The following ECE1 variants were observed in gnomAD, a reference collection of about 807,000 sequenced individuals.
ECE1 encodes the protein endothelin converting enzyme 1, also known as endothelin-converting enzyme 1.
Under a neutral mutation model 98.6 loss-of-function variants are expected in ECE1, and 35 were observed. That is an observed-to-expected ratio of 0.35 (90% CI 0.27 to 0.47). ECE1 has a LOEUF of 0.47. Among genes scored for constraint, ECE1 ranks in the 20% least tolerant of loss-of-function variants. The pLI, the probability that ECE1 is intolerant of heterozygous loss-of-function variation, is 1.00. For missense variants in ECE1, 814 were observed against 1,025.3 expected, an observed-to-expected ratio of 0.79 and a Z score of 2.81; for synonymous variants, 394 against 407.1, an observed-to-expected ratio of 0.97 and a Z score of 0.39.
intron 8 of ECE1, among the ~76,000 whole-genome samples, chr1:21,247,917 C>T (rs1223134845): frequency 4.6e-5 from 7 of 152,190 alleles, no homozygotes; most frequent in Admixed American, 2.0e-4. Context: ...TAACAGAACC[C>T]ACTTCACTGG....
At chr1:21,282,859 C>A (rs998008262) in intron 2 of ECE1, among the ~76,000 whole-genome samples, 3 of 150,854 alleles carry the variant, frequency 2.0e-5, no homozygotes, top group Non-Finnish European at 4.4e-5. Flanking sequence ...ACAATGGCAG[C>A]AAATAAATAC....
Position 21,219,913 on chromosome 1 carries a change from A to T in ECE1, c.*42T>A. 6.2e-7 allele frequency: 1 copy of T among 1,611,956 alleles called. No individual in the cohort carries two copies. The stretch of plus-strand genomic sequence containing the variant: ...GAGGCTGGATGGGGGTCTCGTCCTC[A>T]GCCCCTTCCCCTCCTCCGTCTTGGC... On this transcript the variant is annotated 3_prime_UTR_variant, in exon 19 of 19. Coordinates refer to ENST00000374893, the MANE Select transcript of ECE1 (RefSeq NM_001397.3). This position sits in a 1 kb window ranked among gnomAD's most constrained non-coding sequence, Gnocchi z 4.5.
At chr1:21,226,975 T>C (rs775539330) in intron 16 of ECE1, among the ~76,000 whole-genome samples, 184 bp downstream of exon 16, 1 of 152,094 alleles carries the variant, frequency 6.6e-6, no homozygotes, top group Non-Finnish European at 1.5e-5. Context: ...CCACCAGCCT[T>C]GGCCTCTCAC....
chr1:21,326,870 C>A (rs890293514), intron 1 of ECE1, among the ~76,000 whole-genome samples: 2 of 152,132 alleles, frequency 1.3e-5, no homozygotes, highest in African/African-American at 2.4e-5. Flanking sequence ...TTGGCCCCTG[C>A]GTCTCCTTTC....
upstream of ECE1, chr1:21,294,331 A>G (rs1016180591): frequency 6.6e-6 from 1 of 152,234 alleles, no homozygotes; most frequent in Non-Finnish European, 1.5e-5. The surrounding 1 kb of genome is among the most constrained non-coding windows in gnomAD (Gnocchi z 4.2). Flanking sequence ...CCTGGCCCCG[A>G]GTGTGTTGGG....
rs2098172538 is a variant in ECE1, at chr1:21,225,285, T to C, written c.2005A>G (p.Ile669Val). Reference sequence around the variant, plus strand: ...GCCTTGAGACCCCCGTTGTCGGCGATGTTCTCCCCCAGGGTGTGCCGCCCG... The same window carrying C: ...GCCTTGAGACCCCCGTTGTCGGCGACGTTCTCCCCCAGGGTGTGCCGCCCG... Reference protein sequence around the residue: ...VNGRHTLGENIADNGGLKAAY... With the variant: ...VNGRHTLGENVADNGGLKAAY... The change falls in exon 17 of 19, where the codon ATC becomes GTC. Residue 669 changes from isoleucine (I) to valine (V), a missense_variant. Transcript: ENST00000374893. The surrounding 1 kb of genome is among the most constrained non-coding windows in gnomAD (Gnocchi z 5.3). 6.2e-7 allele frequency: 1 copy of C among 1,614,204 alleles called. No homozygotes were observed. Among genetic ancestry groups the C allele is most frequent in the Non-Finnish European group, 8.5e-7 (1 of 1,180,026 alleles).
chr1:21,224,397 T>C (rs1036878005), intron 17 of ECE1, among the ~76,000 whole-genome samples: 1 of 152,224 alleles, frequency 6.6e-6, no homozygotes, highest in African/African-American at 2.4e-5. Flanking sequence ...GAGAGCAGGA[T>C]GAGCTTCAAA....
At chr1:21,321,491 C>A (rs1638962488) in intron 1 of ECE1, among the ~76,000 whole-genome samples, 1 of 152,174 alleles carries the variant, frequency 6.6e-6, no homozygotes, top group South Asian at 2.1e-4. Context: ...TGCAGTGGCC[C>A]ATGGGTGCCT....
rs113340102 is a variant in ECE1 at position 21,219,784 on chromosome 1, C to G, written c.*171G>C. On this transcript the variant is annotated 3_prime_UTR_variant, in exon 19 of 19. Transcript: ENST00000374893. The surrounding 1 kb of genome is among the most constrained non-coding windows in gnomAD (Gnocchi z 4.5). ...CGGCTCTTCACAGGGGATCAGACTG[C>G]GGGTCACGTTGAGAGCCAACACCAT... 1 of 779,394 alleles carries G rather than the reference C, an allele frequency of 1.3e-6. No homozygotes were observed. The highest frequency in any genetic ancestry group is 1.6e-5 in the South Asian group (1 of 60,988). 48.3% of individuals were successfully genotyped at this position (779,394 alleles called of 1,614,324 possible).
intron 1 of ECE1, among the ~76,000 whole-genome samples, chr1:21,309,003 G>A (rs1638658223): frequency 6.6e-6 from 1 of 152,186 alleles, no homozygotes; most frequent in African/African-American, 2.4e-5. Context: ...GAAACAGCAG[G>A]GCACCTAGCA....
intron 1 of ECE1, among the ~76,000 whole-genome samples, chr1:21,308,580 A>G (rs1638647538): frequency 6.6e-6 from 1 of 152,166 alleles, no homozygotes; most frequent in Admixed American, 6.5e-5. Flanking sequence ...GAGGCTGTCC[A>G]GGGCCCTGGA....
At chr1:21,298,990 G>A in intron 1 of ECE1, 3 of 432,892 alleles carry the variant, frequency 6.9e-6, no homozygotes, top group Admixed American at 2.4e-5. Flanking sequence ...GTGCTCCTGT[G>A]TGATGTCCTG....
Position 21,256,721 on chromosome 1 carries a change from G to A in ECE1, c.829-583C>T, listed in dbSNP as rs527889716. 15 of 153,660 alleles carry A rather than the reference G, an allele frequency of 9.8e-5. No individual in the cohort carries two copies. In the South Asian group the frequency reaches 3.1e-3, roughly 31 times the overall value. 9.5% of individuals were successfully genotyped at this position (153,660 alleles called of 1,614,324 possible). ...GTCCCTGTCTTCCAGGGCTTGTCCT[G>A]GGGCTGTCTTTCCATTCTTAGAATG... is the stretch of plus-strand genomic sequence containing the variant. On this transcript the variant is annotated intron_variant, in intron 7 of 18. Coordinates refer to ENST00000374893, the MANE Select transcript of ECE1 (RefSeq NM_001397.3).
At chr1:21,299,482 A>C (rs1355192202) in intron 1 of ECE1, 3 of 152,870 alleles carry the variant, frequency 2.0e-5, no homozygotes, top group Non-Finnish European at 4.4e-5. Context: ...CTTGGACAGC[A>C]GAAGGAACAG....
intron 4 of ECE1, among the ~76,000 whole-genome samples, chr1:21,271,322 T>C (rs1452688828): frequency 1.3e-5 from 2 of 152,236 alleles, no homozygotes; most frequent in Admixed American, 6.5e-5. Flanking sequence ...ACTTTCCCTG[T>C]AATCTAAAAG....
intron 1 of ECE1, chr1:21,298,522 C>A (rs369861472): frequency 1.5e-5 from 5 of 339,798 alleles, no homozygotes; most frequent in Non-Finnish European, 2.9e-5. Flanking sequence ...GATCCTTACA[C>A]GTCTTAAAAA....
In ECE1 at chr1:21,233,720, G is replaced by A; in HGVS notation, c.1567-59C>T. 5.3e-6 allele frequency: 8 copies of A among 1,514,324 alleles called. No individual in the cohort carries two copies. The highest frequency in any genetic ancestry group is 6.4e-6 in the Non-Finnish European group (7 of 1,092,888). 93.8% of individuals were successfully genotyped at this position (1,514,324 alleles called of 1,614,324 possible). A position where few individuals can be genotyped will look rare whatever the true frequency, so the allele number is the denominator to read the frequency against. The stretch of plus-strand genomic sequence containing the variant: ...GCCCTCGGTGGTGTGCATCTTCCAA[G>A]ACAGGAAGCCAAGGGCTGTCATGGT... On this transcript the variant is annotated intron_variant, in intron 13 of 18. Coordinates refer to ENST00000374893, the MANE Select transcript of ECE1 (RefSeq NM_001397.3). The surrounding 1 kb of genome is among the most constrained non-coding windows in gnomAD (Gnocchi z 4.0).
At position 21,235,830 on chromosome 1, in the gene ECE1, G is replaced by A. The variant is rs765211711; in HGVS notation, c.1566+20C>T. On this transcript the variant is annotated intron_variant, in intron 13 of 18. Coordinates refer to ENST00000374893, the MANE Select transcript of ECE1 (RefSeq NM_001397.3). This position sits in a 1 kb window ranked among gnomAD's most constrained non-coding sequence, Gnocchi z 4.2. ...AGGGGGCATTTAGGAACGCAAGGGGGCAGGGCAGCAGCTACTCACGTCATT... is the reference window on the plus strand; with the variant it reads ...AGGGGGCATTTAGGAACGCAAGGGGACAGGGCAGCAGCTACTCACGTCATT... The A allele has an allele frequency of 1.7e-5, 28 of 1,613,502 alleles. No homozygotes were observed. The highest frequency in any genetic ancestry group is 3.3e-5 in the Admixed American group (2 of 60,022).
rs1313065901 is a variant in ECE1, at chr1:21,260,578, A to C, written c.494-186T>G. On this transcript the variant is annotated intron_variant, in intron 4 of 18. Coordinates refer to ENST00000374893, the MANE Select transcript of ECE1 (RefSeq NM_001397.3). The surrounding 1 kb of genome is among the most constrained non-coding windows in gnomAD (Gnocchi z 4.3). ...TGAGGGCCCCTGGACAGAGCCTGGC[A>C]AGCTGAAGGCGCTCCCGAAATTTTG... 6.6e-6 allele frequency among the ~76,000 whole-genome samples: 1 copy of C among 152,160 alleles called. No homozygotes were observed. The highest frequency in any genetic ancestry group is 1.5e-5 in the Non-Finnish European group (1 of 68,026).
Sources: allele counts gnomAD v4.1 joint callset (sites outside exome capture counted in the v4.1 genomes callset), GRCh38; gene constraint gnomAD v4.1.1; non-coding constraint Gnocchi (gnomAD v3.1); transcripts MANE v1.5; gene names NCBI Gene and HGNC (gene_info 2026-07-23, HGNC 2026-07-21).